ATP6V0D1: variants seen among roughly 807,000 people sequenced by gnomAD.
ATP6V0D1 encodes the protein V-type proton ATPase subunit d 1.
In ATP6V0D1, 13 loss-of-function variants were observed where a neutral mutation model predicts 39.0. The observed-to-expected ratio is 0.33, with a 90% CI of 0.22 to 0.53. The LOEUF (loss-of-function observed/expected upper bound fraction) is 0.53, where lower values mean the gene tolerates loss of function less well. ATP6V0D1 is among the 20% of genes least tolerant of loss of function. The pLI, the probability that ATP6V0D1 is intolerant of heterozygous loss-of-function variation, is 0.94. For missense variants in ATP6V0D1, 272 were observed against 470.9 expected, an observed-to-expected ratio of 0.58 and a Z score of 3.91; for synonymous variants, 191 against 191.2, an observed-to-expected ratio of 1.00 and a Z score of 0.01.
At chr16:67,477,695 C>T (rs182412145) in intron 1 of ATP6V0D1, among the ~76,000 whole-genome samples, 3 of 150,634 alleles carry the variant, frequency 2.0e-5, no homozygotes, top group East Asian at 1.9e-4. Flanking sequence ...TTTCTTTATA[C>T]GGAGTCTTGC....
chr16:67,469,135 G>A (rs1306674563), intron 1 of ATP6V0D1, among the ~76,000 whole-genome samples: 3 of 151,936 alleles, frequency 2.0e-5, no homozygotes, highest in African/African-American at 4.8e-5. Flanking sequence ...TGGTGAAACC[G>A]CATCTCTACT....
chr16:67,479,951 G>T (rs571784532), intron 1 of ATP6V0D1, among the ~76,000 whole-genome samples: 3 of 108,664 alleles, frequency 2.8e-5, no homozygotes, highest in Non-Finnish European at 4.8e-5. Flanking sequence ...TGTAATCCCA[G>T]CACTTTGGGA....
chr16:67,466,049 G>A (rs1003631979), intron 1 of ATP6V0D1, among the ~76,000 whole-genome samples: 1 of 152,084 alleles, frequency 6.6e-6, no homozygotes, highest in Non-Finnish European at 1.5e-5. Context: ...AAGAGGGTAC[G>A]CCAGCTCCAG....
chr16:67,471,387 A>C (rs1437774944), intron 1 of ATP6V0D1, among the ~76,000 whole-genome samples: 2 of 151,910 alleles, frequency 1.3e-5, no homozygotes, highest in East Asian at 3.9e-4. Flanking sequence ...TGGGGGTTTC[A>C]CCATGTTGCC....
chr16:67,445,980 T>C (rs1404982467), intron 2 of ATP6V0D1: 3 of 455,588 alleles, frequency 6.6e-6, no homozygotes, highest in Non-Finnish European at 1.3e-5. Flanking sequence ...GGGATAAAAG[T>C]TGGGGTGGAG....
At position 67,459,036 on chromosome 16, in the gene ATP6V0D1, A is replaced by C. The variant is rs996433618; in HGVS notation, c.131-5321T>G. On this transcript the variant is annotated intron_variant, in intron 1 of 7. Transcript: ENST00000290949. Reference sequence around the variant, plus strand: ...CACCCAGCAGTCCATGTAGCCCTGAAGCTGGAGTTCTGCCTCTCCCCCACA... The same window carrying C: ...CACCCAGCAGTCCATGTAGCCCTGACGCTGGAGTTCTGCCTCTCCCCCACA... 6 of 984,838 alleles carry C rather than the reference A, an allele frequency of 6.1e-6. No individual in the cohort carries two copies. In the African/African-American group the frequency reaches 1.0e-4, roughly 17 times the overall value. 61.0% of individuals were successfully genotyped at this position (984,838 alleles called of 1,614,324 possible).
chr16:67,468,924 A>G (rs548387017), intron 1 of ATP6V0D1, among the ~76,000 whole-genome samples: 1 of 152,332 alleles, frequency 6.6e-6, no homozygotes, highest in African/African-American at 2.4e-5. Flanking sequence ...GCAAGTTCTG[A>G]CAAGACATCC....
chr16:67,455,765 C>T (rs902286768), intron 1 of ATP6V0D1: 2 of 152,236 alleles, frequency 1.3e-5, no homozygotes, highest in Non-Finnish European at 1.5e-5. Context: ...CACATCCTCA[C>T]CACATCTAAC....
chr16:67,452,991 G>C (rs1262637330), intron 2 of ATP6V0D1, among the ~76,000 whole-genome samples: 1 of 152,176 alleles, frequency 6.6e-6, no homozygotes, highest in South Asian at 2.1e-4. Context: ...GCAGCTAGAC[G>C]TTCAGCCTGC....
chr16:67,443,655 CTG>C (rs2041080601), intron 3 of ATP6V0D1, among the ~76,000 whole-genome samples: 1 of 152,186 alleles, frequency 6.6e-6, no homozygotes, highest in Non-Finnish European at 1.5e-5. Context: ...CAGGGGGCCA[CTG>C]TGGGGTTGGA....
At chr16:67,454,232 G>C (rs2041213186) in intron 1 of ATP6V0D1, among the ~76,000 whole-genome samples, 1 of 152,228 alleles carries the variant, frequency 6.6e-6, no homozygotes, top group Non-Finnish European at 1.5e-5. Flanking sequence ...GCCACAAAAG[G>C]CTGGGCCACA....
At chr16:67,475,312 G>T (rs536067536) in intron 1 of ATP6V0D1, among the ~76,000 whole-genome samples, 1 of 152,198 alleles carries the variant, frequency 6.6e-6, no homozygotes, top group Non-Finnish European at 1.5e-5. Flanking sequence ...TGCGACTGGC[G>T]ATTGGCCAAG....
rs563958137 is a variant in ATP6V0D1, at chr16:67,447,223, G to T, written c.303-2517C>A. 1.3e-5 allele frequency among the ~76,000 whole-genome samples: 2 copies of T among 152,234 alleles called. No homozygotes were observed. Among genetic ancestry groups the T allele is most frequent in the Admixed American group, 1.3e-4 (2 of 15,292 alleles). Reference sequence around the variant, plus strand: ...AACCCAAGCCAGGCCAATCGTGGGCGATCCTGTGCCAGGCCCAGCACTTCC... The same window carrying T: ...AACCCAAGCCAGGCCAATCGTGGGCTATCCTGTGCCAGGCCCAGCACTTCC... On this transcript the variant is annotated intron_variant, in intron 2 of 7. Transcript: ENST00000290949. This position sits in a 1 kb window ranked among gnomAD's most constrained non-coding sequence, Gnocchi z 4.1.
chr16:67,438,982 C>T lies in ATP6V0D1; in HGVS notation c.805G>A (p.Asp269Asn), dbSNP rs776699895. 85 of 1,613,748 alleles carry T rather than the reference C, an allele frequency of 5.3e-5. No individual in the cohort carries two copies. Among genetic ancestry groups the T allele is most frequent in the African/African-American group, 9.3e-5 (7 of 74,934 alleles). ...DDYEQVKNVA[D>N]YYPEYKLLFE... is the part of the protein sequence containing the mutation. ...GCCGGGGCACTCACCGGGTAGTAAT[C>T]GGCCACGTTCTTGACCTGTTCATAG... is the stretch of plus-strand genomic sequence containing the variant. The change falls in exon 6 of 8, where the codon GAT becomes AAT. Residue 269 changes from aspartate to asparagine, a missense_variant. By Grantham distance (23) the Asp-to-Asn change is conservative. Around this residue, in one of 4 missense-constraint regions of ATP6V0D1, gnomAD observed 135 missense variants for 273.8 expected, o/e 0.49. Coordinates refer to ENST00000290949, the MANE Select transcript of ATP6V0D1 (RefSeq NM_004691.5).
intron 1 of ATP6V0D1, among the ~76,000 whole-genome samples, chr16:67,469,630 C>A (rs950201798): frequency 6.6e-6 from 1 of 152,212 alleles, no homozygotes; most frequent in Non-Finnish European, 1.5e-5. Flanking sequence ...CAATGCCCCA[C>A]AATGCGAAAC....
intron 1 of ATP6V0D1, among the ~76,000 whole-genome samples, chr16:67,465,059 G>A (rs1005872800): frequency 1.2e-4 from 18 of 152,324 alleles, no homozygotes; most frequent in African/African-American, 2.9e-4. Context: ...AGCACCCTTC[G>A]GGGCCTTGAC....
chr16:67,452,177 T>C, intron 2 of ATP6V0D1: 1 of 1,515,930 alleles, frequency 6.6e-7, no homozygotes, highest in South Asian at 1.2e-5. Context: ...ACCCCTAATG[T>C]AGCACCACAA....
chr16:67,445,990 G>A (rs2041110244), intron 2 of ATP6V0D1: 1 of 455,576 alleles, frequency 2.2e-6, no homozygotes, highest in Non-Finnish European at 4.4e-6. Flanking sequence ...TTGGGGTGGA[G>A]GCTGCTGTTC....
chr16:67,449,427 C>A (rs1192419148), intron 2 of ATP6V0D1, among the ~76,000 whole-genome samples: 1 of 152,248 alleles, frequency 6.6e-6, no homozygotes, highest in South Asian at 2.1e-4. Flanking sequence ...AAAACCCTGA[C>A]AGACACCATC....
Sources: gnomAD v4.1 joint callset for allele counts (sites outside exome capture counted in the v4.1 genomes callset) on GRCh38, gnomAD v4.1.1 for gene constraint, gnomAD v4.1.1 regional missense constraint, Gnocchi (gnomAD v3.1) non-coding constraint, MANE v1.5 for transcripts, NCBI Gene and HGNC (gene_info 2026-07-23, HGNC 2026-07-21) for gene names.